Variants in LARP4B observed in about 807,000 individuals in gnomAD.
LARP4B encodes La ribonucleoprotein 4B, also known as la-related protein 4B.
Under a neutral mutation model 89.8 loss-of-function variants are expected in LARP4B, and 12 were observed. That is an observed-to-expected ratio of 0.13 (90% CI 0.09 to 0.22). The LOEUF (loss-of-function observed/expected upper bound fraction) is 0.22, where lower values mean the gene tolerates loss of function less well. LARP4B is among the 10% of genes least tolerant of loss of function. LARP4B has a pLI of 1.00. For synonymous variants in LARP4B, 367 were observed against 363.3 expected (o/e 1.01, Z -0.12); for missense variants, 757 against 947.7 (o/e 0.80, Z 2.64).
rs1832785019 is a variant in LARP4B, at chr10:829,429, G to A, written c.1081C>T (p.Pro361Ser). The change falls in exon 11 of 18, where the codon CCC becomes TCC. Residue 361 changes from proline to serine, a missense_variant. By Grantham distance (74) the Pro-to-Ser change is moderately conservative. Around this residue, in one of 5 missense-constraint regions of LARP4B, gnomAD observed 137 missense variants for 213.9 expected, o/e 0.64. Transcript: ENST00000316157. ...CTGTGCGTTGCTGACCACGTCTGGG[G>A]AGTGATCAGGCTGTACAGGGGGAAC... The part of the protein sequence containing the change: ...QQFPLYSLIT[P>S]QTWSATHSYL... 6.2e-7 allele frequency: 1 copy of A among 1,613,618 alleles called. No homozygotes were observed. Among genetic ancestry groups the A allele is most frequent in the Non-Finnish European group, 8.5e-7 (1 of 1,179,828 alleles).
At chr10:980,496 AG>A in the LARP4B span, among the ~76,000 whole-genome samples, 1 of 152,206 alleles carries the variant, frequency 6.6e-6, no homozygotes, top group Non-Finnish European at 1.5e-5. Context: ...ATCTAGGTGG[AG>A]GCCACCAAGA....
At chr10:807,095 A>G (rs1488370489), downstream of LARP4B, 2 of 152,284 alleles carry the variant, frequency 1.3e-5, no homozygotes, top group Admixed American at 1.3e-4. Flanking sequence ...AGTGAAAAAG[A>G]AAGAGCTGGA....
intron 1 of LARP4B, among the ~76,000 whole-genome samples, chr10:919,348 G>T (rs1393055456): frequency 6.6e-6 from 1 of 152,104 alleles, no homozygotes; most frequent in East Asian, 1.9e-4. Flanking sequence ...TTCAGTGGTA[G>T]AATTCTCTCC....
At chr10:819,184 T>C (rs1176392906) in intron 14 of LARP4B, 1 of 152,238 alleles carries the variant, frequency 6.6e-6, no homozygotes, top group African/African-American at 2.4e-5. Context: ...GTTTTAAACA[T>C]CTGCACGTTT....
intron 1 of LARP4B, among the ~76,000 whole-genome samples, chr10:913,166 G>C (rs970620756): frequency 1.3e-5 from 2 of 152,090 alleles, no homozygotes; most frequent in Admixed American, 6.5e-5. Context: ...GAAAATTTAG[G>C]GTTGTCTAGC....
At chr10:929,288 G>T (rs1028160100) in intron 1 of LARP4B, among the ~76,000 whole-genome samples, 1 of 152,080 alleles carries the variant, frequency 6.6e-6, no homozygotes. Flanking sequence ...ACAGCTACAA[G>T]GTAGAATATT....
At chr10:847,379 C>T (rs1833823913) in intron 5 of LARP4B, among the ~76,000 whole-genome samples, 1 of 152,050 alleles carries the variant, frequency 6.6e-6, no homozygotes, top group Admixed American at 6.5e-5. Context: ...CATCTGCCTC[C>T]AGGTAGATGG....
At position 884,327 on chromosome 10, in the gene LARP4B, A is replaced by G. The variant is rs993103803; in HGVS notation, c.141+120T>C. ...GGTGATGAATGGATCCCCTACCACA[A>G]CTTTTTGAGAAATATCTACATTTTC... On this transcript the variant is annotated intron_variant, in intron 3 of 17. Transcript: ENST00000316157. The G allele has an allele frequency of 1.4e-5, 11 of 771,264 alleles. No homozygotes were observed. The Admixed American group carries it at 1.7e-4, about 12-fold the overall frequency. The allele number at this position is 771,264 out of a possible 1,614,324, so 47.8% of individuals were successfully genotyped here.
chr10:964,835 G>A, the LARP4B span, among the ~76,000 whole-genome samples: 35 of 152,314 alleles, frequency 2.3e-4, 1 homozygote, highest in African/African-American at 4.8e-5. Flanking sequence ...TGTCATGGGC[G>A]TAGACAGCTC....
intron 1 of LARP4B, among the ~76,000 whole-genome samples, chr10:925,491 G>A (rs1679686105): frequency 6.6e-6 from 1 of 152,048 alleles, no homozygotes; most frequent in African/African-American, 2.4e-5. Context: ...GCAAAATAAA[G>A]GTAAGAAATT....
chr10:982,238 C>T, the LARP4B span, among the ~76,000 whole-genome samples: 6 of 151,208 alleles, frequency 4.0e-5, no homozygotes, highest in Non-Finnish European at 7.4e-5. Flanking sequence ...CCTACAGGTG[C>T]GTGTAACTAT....
At position 860,195 on chromosome 10, in the gene LARP4B, C is replaced by G. The variant is rs147214731; in HGVS notation, c.430+3548G>C. ...AAAACTCGCTGTGAACCTGAAAGTGCTCTAAAAAAAACAGTCTTTTTTTTA... is the reference window on the plus strand; with the variant it reads ...AAAACTCGCTGTGAACCTGAAAGTGGTCTAAAAAAAACAGTCTTTTTTTTA... On this transcript the variant is annotated intron_variant, in intron 5 of 17. Transcript: ENST00000316157. 1.6e-4 allele frequency among the ~76,000 whole-genome samples: 25 copies of G among 152,076 alleles called. 1 individual carries two copies. In the East Asian group the frequency reaches 4.6e-3, roughly 28 times the overall value.
chr10:956,642 C>T, the LARP4B span, among the ~76,000 whole-genome samples: 2 of 152,122 alleles, frequency 1.3e-5, no homozygotes, highest in African/African-American at 4.8e-5. The surrounding 1 kb of genome is among the most constrained non-coding windows in gnomAD (Gnocchi z 4.3). Context: ...CCACTGTGCC[C>T]GGCCCAAAAA....
Position 915,457 on chromosome 10 carries a change from CTT to C in LARP4B, c.-40+15969_-40+15970del, listed in dbSNP as rs562832058. Among the ~76,000 whole-genome samples the C allele has an allele frequency of 1.1e-3, 166 of 152,252 alleles. 1 individual carries two copies. Among genetic ancestry groups the C allele is most frequent in the African/African-American group, 3.6e-3 (149 of 41,544 alleles). The stretch of plus-strand genomic sequence containing the variant: ...AAAGATTCTGTTGGTCTCATGTCGT[CTT>C]TTTAGGTCTTTTGATTGTTTAGAAA... On this transcript the variant is annotated intron_variant, in intron 1 of 17. Coordinates refer to ENST00000316157, the MANE Select transcript of LARP4B (RefSeq NM_015155.3).
At position 877,259 on chromosome 10, in the gene LARP4B, T is replaced by C. The variant is rs571967744; in HGVS notation, c.141+7188A>G. On this transcript the variant is annotated intron_variant, in intron 3 of 17. Coordinates refer to ENST00000316157, the MANE Select transcript of LARP4B (RefSeq NM_015155.3). ...AGCTGGGTGTGGGGGCGCGTGTCTGTAGTACCAGCTACTTGGGAGGCTGAG... is the reference window on the plus strand; with the variant it reads ...AGCTGGGTGTGGGGGCGCGTGTCTGCAGTACCAGCTACTTGGGAGGCTGAG... Among the ~76,000 whole-genome samples the C allele has an allele frequency of 2.6e-5, 4 of 152,276 alleles. No individual in the cohort carries two copies. The South Asian group carries it at 6.2e-4, about 24-fold the overall frequency.
chr10:952,005 G>A, the LARP4B span, among the ~76,000 whole-genome samples: 2 of 151,388 alleles, frequency 1.3e-5, no homozygotes, highest in Non-Finnish European at 2.9e-5. Flanking sequence ...GGAAGAAATC[G>A]CACCAGCCCA....
chr10:825,916 C>T lies in LARP4B; in HGVS notation c.1126-46G>A, dbSNP rs752732606. 8 of 1,268,856 alleles carry T rather than the reference C, an allele frequency of 6.3e-6. No homozygotes were observed. The African/African-American group carries it at 1.2e-4, about 19-fold the overall frequency. 78.6% of individuals were successfully genotyped at this position (1,268,856 alleles called of 1,614,324 possible). ...ACAAGTAAATAAACCATAAAACAGA[C>T]TTCAATTTCATTAATACCAACAAAT... is the stretch of plus-strand genomic sequence containing the variant. On this transcript the variant is annotated intron_variant, in intron 11 of 17. Coordinates refer to ENST00000316157, the MANE Select transcript of LARP4B (RefSeq NM_015155.3).
At chr10:895,515 C>G (rs529312318) in intron 1 of LARP4B, among the ~76,000 whole-genome samples, 2 of 151,778 alleles carry the variant, frequency 1.3e-5, no homozygotes, top group South Asian at 2.1e-4. Context: ...CCTAACCAGG[C>G]TGGTGAAACC....
chr10:854,958 T>C (rs1318589669), intron 5 of LARP4B, among the ~76,000 whole-genome samples: 8 of 152,264 alleles, frequency 5.3e-5, no homozygotes, highest in African/African-American at 1.9e-4. Context: ...TCTGGATAAC[T>C]TGCTGTTTCA....
Sources: gnomAD v4.1 joint callset for allele counts (sites outside exome capture counted in the v4.1 genomes callset) on GRCh38, gnomAD v4.1.1 for gene constraint, gnomAD v4.1.1 regional missense constraint, Gnocchi (gnomAD v3.1) non-coding constraint, MANE v1.5 for transcripts, NCBI Gene and HGNC (gene_info 2026-07-23, HGNC 2026-07-21) for gene names.